The following NRXN1 variants were observed in gnomAD, a reference collection of about 807,000 sequenced individuals.
NRXN1 encodes neurexin-1.
A neutral mutation model predicts 150.9 loss-of-function variants in NRXN1; 39 were observed. The ratio of observed to expected loss-of-function variants is 0.26; its 90% CI spans 0.20 to 0.34. The LOEUF (loss-of-function observed/expected upper bound fraction) is 0.34. Ranked by LOEUF, NRXN1 falls within the 10% of genes least tolerant of loss-of-function variation. The pLI is 1.00. For synonymous variants in NRXN1, 924 were observed against 757.0 expected (o/e 1.22, Z -3.62); for missense variants, 1,815 against 1,949.9 (o/e 0.93, Z 1.30).
rs70946894 is a variant in NRXN1 at position 50,166,279 on chromosome 2, A to ATGTGTGTGTG, written c.3546+70500_3546+70509dup. 3.6e-4 allele frequency among the ~76,000 whole-genome samples: 47 copies of ATGTGTGTGTG among 131,604 alleles called. No homozygotes were observed. The South Asian group carries it at 3.6e-3, about 10-fold the overall frequency. 86.3% of individuals were successfully genotyped at this position (131,604 alleles called of 152,430 possible). A position where few individuals can be genotyped will look rare whatever the true frequency, so the allele number is the denominator to read the frequency against. The stretch of plus-strand genomic sequence containing the variant: ...CATTTTGGATAGGAGTACTCAACGT[A>ATGTGTGTGTG]TGTGTGTGTGTGTGTGTGTGTGTGT... On this transcript the variant is annotated intron_variant, in intron 18 of 22. Transcript: ENST00000401669.
chr2:50,872,151 C>A (rs1228992928), intron 5 of NRXN1, among the ~76,000 whole-genome samples: 41 of 151,760 alleles, frequency 2.7e-4, no homozygotes, highest in Admixed American at 2.7e-3. Flanking sequence ...GTTAGTTACT[C>A]TTTTATATAT....
chr2:50,959,600 G>C (rs746636944), intron 2 of NRXN1, among the ~76,000 whole-genome samples: 2 of 152,018 alleles, frequency 1.3e-5, no homozygotes, highest in Non-Finnish European at 2.9e-5. Context: ...GGACAGTGAA[G>C]AATGGGAAGG....
At chr2:50,312,417 T>TA (rs1408586774) in intron 17 of NRXN1, among the ~76,000 whole-genome samples, 1 of 151,666 alleles carries the variant, frequency 6.6e-6, no homozygotes, top group Non-Finnish European at 1.5e-5. Context: ...TGGCTGTTCT[T>TA]TGTGGGTTTT....
intron 18 of NRXN1, among the ~76,000 whole-genome samples, chr2:50,218,490 C>CTTT (rs34919769): frequency 2.9e-5 from 4 of 136,758 alleles, no homozygotes; most frequent in Admixed American, 7.4e-5. Flanking sequence ...TTAGCACCTT[C>CTTT]TTTTTTTTTT....
intron 12 of NRXN1, among the ~76,000 whole-genome samples, chr2:50,512,891 G>A (rs2092504522): frequency 6.6e-6 from 1 of 152,156 alleles, no homozygotes. Context: ...TGAAACGGGT[G>A]TGTTTTTTCA....
intron 2 of NRXN1, among the ~76,000 whole-genome samples, chr2:50,984,164 T>C (rs1315400194): frequency 8.1e-6 from 1 of 123,212 alleles, no homozygotes; most frequent in Non-Finnish European, 1.6e-5. Context: ...TTTTTTTTTT[T>C]AGTAGAGATG....
At chr2:50,828,152 G>A (rs1433520575) in intron 5 of NRXN1, among the ~76,000 whole-genome samples, 1 of 151,822 alleles carries the variant, frequency 6.6e-6, no homozygotes, top group African/African-American at 2.4e-5. Flanking sequence ...TGGCCGGGCA[G>A]AGGGGCTCCT....
At chr2:50,462,067 G>A (rs1460350811) in intron 17 of NRXN1, among the ~76,000 whole-genome samples, 1 of 151,924 alleles carries the variant, frequency 6.6e-6, no homozygotes, top group Non-Finnish European at 1.5e-5. Context: ...GACTAACTTG[G>A]AGAGTAGTAT....
intron 8 of NRXN1, among the ~76,000 whole-genome samples, chr2:50,575,535 A>G (rs1048546176): frequency 6.6e-6 from 1 of 152,214 alleles, no homozygotes; most frequent in African/African-American, 2.4e-5. Context: ...TATGTGTGCC[A>G]AAGAATTCTG....
intron 17 of NRXN1, 68 bp downstream of exon 17, chr2:50,465,374 G>A (rs1384066507): frequency 6.8e-7 from 1 of 1,466,182 alleles, no homozygotes; most frequent in Non-Finnish European, 9.2e-7. Context: ...TTCAGTGTTA[G>A]ACTTTAGATA....
chr2:50,543,618 T>C (rs1558911004), intron 9 of NRXN1, among the ~76,000 whole-genome samples: 1 of 152,132 alleles, frequency 6.6e-6, no homozygotes, highest in South Asian at 2.1e-4. Context: ...TAAAACTGTA[T>C]GCAAAGGTTC....
At chr2:50,778,918 TA>T (rs1448906557) in intron 5 of NRXN1, among the ~76,000 whole-genome samples, 1 of 152,176 alleles carries the variant, frequency 6.6e-6, no homozygotes, top group Non-Finnish European at 1.5e-5. Context: ...AAAAATAAAT[TA>T]AAATATGCAA....
chr2:50,925,968 G>T lies in NRXN1; in HGVS notation c.773-13C>A. 1 of 1,569,424 alleles carries T rather than the reference G, an allele frequency of 6.4e-7. No homozygotes were observed. The highest frequency in any genetic ancestry group is 1.2e-5 in the South Asian group (1 of 85,320). On this transcript the variant is annotated splice_polypyrimidine_tract_variant and intron_variant, in intron 2 of 22. Coordinates refer to ENST00000401669, the MANE Select transcript of NRXN1 (RefSeq NM_001330078.2). ...ACATTGTTGTCTTCTGAAAGCACATGACAAGGAGGGAGAGAAAAGGAAAAA... is the reference window on the plus strand; with the variant it reads ...ACATTGTTGTCTTCTGAAAGCACATTACAAGGAGGGAGAGAAAAGGAAAAA...
chr2:50,604,906 T>C (rs1204623672), intron 8 of NRXN1, among the ~76,000 whole-genome samples: 5 of 152,146 alleles, frequency 3.3e-5, no homozygotes, highest in African/African-American at 9.7e-5. Flanking sequence ...TCAACCCAAA[T>C]CCTCATCTGA....
chr2:51,026,744 C>T (rs1322566713), intron 2 of NRXN1, among the ~76,000 whole-genome samples: 13 of 152,178 alleles, frequency 8.5e-5, no homozygotes. Context: ...TAATCTCTAA[C>T]ATTTTTAAAC....
chr2:50,548,454 T>A (rs1187594801), intron 9 of NRXN1, among the ~76,000 whole-genome samples: 1 of 152,184 alleles, frequency 6.6e-6, no homozygotes, highest in African/African-American at 2.4e-5. Context: ...AAATAAATGC[T>A]TACAGTTAAA....
chr2:50,967,823 T>G (rs1694342563), intron 2 of NRXN1, among the ~76,000 whole-genome samples: 1 of 151,974 alleles, frequency 6.6e-6, no homozygotes, highest in Admixed American at 6.6e-5. Context: ...TCTAGAAGTT[T>G]GATGAGTCTG....
chr2:50,884,596 G>A (rs1359007564), intron 5 of NRXN1, among the ~76,000 whole-genome samples: 1 of 151,480 alleles, frequency 6.6e-6, no homozygotes, highest in Non-Finnish European at 1.5e-5. Context: ...AGCTTCGTAG[G>A]AGATAAATAT....
At chr2:50,515,404 A>G (rs1410947366) in intron 12 of NRXN1, among the ~76,000 whole-genome samples, 4 of 152,134 alleles carry the variant, frequency 2.6e-5, no homozygotes, top group Non-Finnish European at 5.9e-5. Flanking sequence ...AGTGAAATTC[A>G]ATTATCCTGA....
Sources: allele counts gnomAD v4.1 joint callset (sites outside exome capture counted in the v4.1 genomes callset), GRCh38; gene constraint gnomAD v4.1.1; transcripts MANE v1.5; gene names NCBI Gene and HGNC (gene_info 2026-07-23, HGNC 2026-07-21).